MPRIP: variants seen among roughly 807,000 people sequenced by gnomAD.
MPRIP encodes myosin phosphatase Rho interacting protein.
MPRIP carries 59 observed loss-of-function variants against 234.9 expected under a neutral mutation model. The observed-to-expected ratio is 0.25, with a 90% CI of 0.20 to 0.31. MPRIP has a LOEUF of 0.31. Ranked by LOEUF, MPRIP falls within the 10% of genes least tolerant of loss-of-function variation. The pLI is 1.00. For missense variants in MPRIP, 2,436 were observed against 3,071.0 expected (o/e 0.79, Z 4.89); for synonymous variants, 1,144 against 1,263.9 (o/e 0.91, Z 2.01).
In MPRIP at chr17:17,186,820, A is replaced by G. The variant is rs1477490028; in HGVS notation, c.*1926A>G. ...TGTGTCAATGGGAATATACAGAAGGAACATTCGGGACCCCGCTGTCCCCCA... is the reference window on the plus strand; with the variant it reads ...TGTGTCAATGGGAATATACAGAAGGGACATTCGGGACCCCGCTGTCCCCCA... On this transcript the variant is annotated 3_prime_UTR_variant, in exon 24 of 24. Coordinates refer to ENST00000651222, the MANE Select transcript of MPRIP (RefSeq NM_001364716.4). 1.3e-5 allele frequency: 2 copies of G among 152,292 alleles called. No individual in the cohort carries two copies. Among genetic ancestry groups the G allele is most frequent in the African/African-American group, 4.8e-5 (2 of 41,452 alleles). 9.4% of individuals were successfully genotyped at this position (152,292 alleles called of 1,614,324 possible).
chr17:17,073,486 A>G (rs62064382), intron 1 of MPRIP, among the ~76,000 whole-genome samples: 8,895 of 152,228 alleles, frequency 0.058, 413 homozygotes, highest in Non-Finnish European at 0.079. Flanking sequence ...GTAGCTGATT[A>G]TGTGATGACA....
chr17:17,184,777 G>A lies in MPRIP; in HGVS notation c.7207-46G>A, dbSNP rs377338005. ...GGTCCGGTCCGGTCCAGTGCAGGGG[G>A]TCTAACGGTGTGTTTATTTTCTCCT... is the stretch of plus-strand genomic sequence containing the variant. On this transcript the variant is annotated intron_variant, in intron 23 of 23. Transcript: ENST00000651222. 6 of 1,468,472 alleles carry A rather than the reference G, an allele frequency of 4.1e-6. No homozygotes were observed. In the South Asian group the frequency reaches 6.8e-5, roughly 17 times the overall value. 91.0% of individuals were successfully genotyped at this position (1,468,472 alleles called of 1,614,324 possible).
At chr17:17,159,879 A>G (rs2045824236) in intron 14 of MPRIP, among the ~76,000 whole-genome samples, 1 of 152,192 alleles carries the variant, frequency 6.6e-6, no homozygotes, top group Non-Finnish European at 1.5e-5. Flanking sequence ...TTTGTATTTT[A>G]TTAACTGTAT....
intron 3 of MPRIP, among the ~76,000 whole-genome samples, chr17:17,105,909 G>A (rs2090054484): frequency 6.6e-6 from 1 of 152,192 alleles, no homozygotes; most frequent in African/African-American, 2.4e-5. Flanking sequence ...TAGGACATCT[G>A]CCACTCAAAG....
At chr17:17,052,091 C>A (rs1407993872) in intron 1 of MPRIP, among the ~76,000 whole-genome samples, 1 of 152,202 alleles carries the variant, frequency 6.6e-6, no homozygotes, top group Non-Finnish European at 1.5e-5. Context: ...GAGGAGGGGA[C>A]CCTGAGTTTT....
intron 1 of MPRIP, among the ~76,000 whole-genome samples, chr17:17,047,014 C>G (rs923848136): frequency 8.5e-5 from 13 of 152,054 alleles, no homozygotes; most frequent in African/African-American, 2.9e-4. Context: ...TCTGTCTCTA[C>G]TAAAAATACA....
chr17:17,119,210 CG>C (rs1555574114), intron 3 of MPRIP, among the ~76,000 whole-genome samples: 20 of 152,212 alleles, frequency 1.3e-4, no homozygotes, highest in Non-Finnish European at 2.1e-4. Flanking sequence ...AGACCTGGCT[CG>C]AGCAGCCAGA....
At chr17:17,168,366 A>G in intron 16 of MPRIP, 2 of 236,782 alleles carry the variant, frequency 8.4e-6, no homozygotes, top group South Asian at 1.1e-4. Flanking sequence ...GCCAGGGCCC[A>G]GTTGGAGGGC....
intron 7 of MPRIP, among the ~76,000 whole-genome samples, chr17:17,139,288 C>T (rs373530759): frequency 6.6e-6 from 1 of 152,240 alleles, no homozygotes; most frequent in East Asian, 1.9e-4. Flanking sequence ...CATCTGTATA[C>T]TGAGGCTTTG....
chr17:17,095,102 C>T (rs770418318), intron 3 of MPRIP, among the ~76,000 whole-genome samples: 15 of 152,134 alleles, frequency 9.9e-5, no homozygotes, highest in Non-Finnish European at 1.9e-4. Flanking sequence ...TTGTTAATTT[C>T]TTAGAGCTTG....
intron 8 of MPRIP, among the ~76,000 whole-genome samples, chr17:17,143,160 T>C (rs1047790124): frequency 6.6e-6 from 1 of 152,158 alleles, no homozygotes; most frequent in Non-Finnish European, 1.5e-5. Flanking sequence ...CCTGCTGCTT[T>C]TGTAGCCGGC....
At chr17:17,130,778 C>G (rs1039254755) in intron 4 of MPRIP, among the ~76,000 whole-genome samples, 1 of 152,174 alleles carries the variant, frequency 6.6e-6, no homozygotes, top group Non-Finnish European at 1.5e-5. Context: ...CCTCCCACCC[C>G]CGTCGTCTAG....
chr17:17,045,890 A>C (rs2088333121), intron 1 of MPRIP, among the ~76,000 whole-genome samples: 1 of 149,632 alleles, frequency 6.7e-6, no homozygotes, highest in African/African-American at 2.5e-5. Context: ...ACTGCAAGCT[A>C]CGCCTCCCAG....
intron 19 of MPRIP, among the ~76,000 whole-genome samples, chr17:17,174,367 C>G (rs1225723515): frequency 6.6e-6 from 1 of 152,202 alleles, no homozygotes; most frequent in African/African-American, 2.4e-5. Context: ...CTGAGACTCT[C>G]GGGTGTCTTG....
intron 22 of MPRIP, among the ~76,000 whole-genome samples, chr17:17,178,184 A>G (rs569570454): frequency 2.0e-5 from 3 of 152,254 alleles, no homozygotes; most frequent in Non-Finnish European, 2.9e-5. Flanking sequence ...TGGCCTCCCA[A>G]AGTGCTGAGA....
intron 1 of MPRIP, among the ~76,000 whole-genome samples, chr17:17,056,676 C>T (rs2088708720): frequency 1.3e-5 from 2 of 152,166 alleles, no homozygotes; most frequent in South Asian, 4.1e-4. Context: ...ATGTACAATT[C>T]CATTGCATTT....
intron 13 of MPRIP, among the ~76,000 whole-genome samples, chr17:17,155,327 G>T (rs183756204): frequency 2.0e-5 from 3 of 151,440 alleles, no homozygotes; most frequent in Admixed American, 6.6e-5. Flanking sequence ...ATCTCGGCTC[G>T]CTGCAACCTC....
chr17:17,149,221 C>T (rs2045543733), intron 11 of MPRIP, among the ~76,000 whole-genome samples: 3 of 152,278 alleles, frequency 2.0e-5, no homozygotes, highest in South Asian at 2.1e-4. Context: ...TGTCCGGGGG[C>T]GGTGGCTCAT....
At chr17:17,149,046 A>C (rs966450315) in intron 11 of MPRIP, among the ~76,000 whole-genome samples, 2 of 152,226 alleles carry the variant, frequency 1.3e-5, no homozygotes, top group Admixed American at 6.5e-5. Context: ...CCATGTGACC[A>C]GTACCTAATG....
Sources: allele counts gnomAD v4.1 joint callset (sites outside exome capture counted in the v4.1 genomes callset), GRCh38; gene constraint gnomAD v4.1.1; transcripts MANE v1.5; gene names NCBI Gene and HGNC (gene_info 2026-07-23, HGNC 2026-07-21).